PM20D1: variants seen among roughly 807,000 people sequenced by gnomAD.
The protein encoded by PM20D1 is peptidase M20 domain containing 1.
A neutral mutation model predicts 53.8 loss-of-function variants in PM20D1; 53 were observed. The ratio of observed to expected loss-of-function variants is 0.98; its 90% CI spans 0.79 to 1.24. The LOEUF (loss-of-function observed/expected upper bound fraction) is 1.24, where lower values mean the gene tolerates loss of function less well. Among genes scored for constraint, PM20D1 ranks in the 50% most tolerant of loss-of-function variants. The pLI, the probability that PM20D1 is intolerant of heterozygous loss-of-function variation, is 0.00. For missense variants in PM20D1, 564 were observed against 616.8 expected, an observed-to-expected ratio of 0.91 and a Z score of 0.91; for synonymous variants, 239 against 241.3, an observed-to-expected ratio of 0.99 and a Z score of 0.09.
chr1:205,848,713 C>T (rs771941753), intron 1 of PM20D1, among the ~76,000 whole-genome samples: 2 of 152,184 alleles, frequency 1.3e-5, no homozygotes, highest in Non-Finnish European at 2.9e-5. Context: ...AGACTGCTCT[C>T]CAAGAACACA....
rs368552918 is a variant in PM20D1, at chr1:205,843,628, C to A, written c.827+39G>T. ...AGTGGGAAAGTGCCAGGGCTTCCAT[C>A]TCAAGTCTGGCATGGGAACAGGGCC... On this transcript the variant is annotated intron_variant, in intron 6 of 12. Coordinates refer to ENST00000367136, the MANE Select transcript of PM20D1 (RefSeq NM_152491.5). 2.7e-5 allele frequency: 43 copies of A among 1,590,256 alleles called. No individual in the cohort carries two copies. The South Asian group carries it at 4.7e-4, about 17-fold the overall frequency.
At chr1:205,845,791 C>G (rs573090542) in intron 2 of PM20D1, among the ~76,000 whole-genome samples, 1 of 152,320 alleles carries the variant, frequency 6.6e-6, no homozygotes, top group Admixed American at 6.5e-5. Context: ...AAATCAAGAG[C>G]CACCATTAAG....
intron 3 of PM20D1, among the ~76,000 whole-genome samples, chr1:205,845,103 T>C (rs970786276): frequency 6.6e-6 from 1 of 152,050 alleles, no homozygotes. Context: ...CATAAACATA[T>C]CAGTGTCAGG....
chr1:205,837,558 TGTGCACAGGGA>T (rs1656709692), intron 10 of PM20D1, among the ~76,000 whole-genome samples: 2 of 152,330 alleles, frequency 1.3e-5, no homozygotes, highest in East Asian at 3.9e-4. Context: ...CCCGAGGCTC[TGTGCACAGGGA>T]GTGCAGCAGG....
chr1:205,832,430 G>C (rs368597541), intron 11 of PM20D1, among the ~76,000 whole-genome samples, 168 bp downstream of exon 11: 17 of 145,304 alleles, frequency 1.2e-4, no homozygotes, highest in African/African-American at 4.3e-4. Flanking sequence ...TCCTGTTTGC[G>C]TTCTCACTTC....
intron 10 of PM20D1, among the ~76,000 whole-genome samples, chr1:205,833,059 A>G (rs376402884): frequency 6.2e-4 from 94 of 152,334 alleles, no homozygotes; most frequent in South Asian, 1.7e-3. Flanking sequence ...TACATGAGCA[A>G]TCAAACCAAC....
At chr1:205,835,580 A>G (rs958021356) in intron 10 of PM20D1, among the ~76,000 whole-genome samples, 5 of 123,860 alleles carry the variant, frequency 4.0e-5, no homozygotes, top group Non-Finnish European at 6.3e-5. Flanking sequence ...TGAACCCGGG[A>G]GGCGGAGCTT....
chr1:205,845,230 T>A (rs1489919319), intron 3 of PM20D1, 95 bp downstream of exon 3: 1 of 1,272,482 alleles, frequency 7.9e-7, no homozygotes, highest in Non-Finnish European at 1.1e-6. Flanking sequence ...CAAGATTCTT[T>A]TTACCATTAT....
intron 11 of PM20D1, among the ~76,000 whole-genome samples, chr1:205,831,127 G>T (rs968797214): frequency 4.6e-5 from 7 of 152,204 alleles, no homozygotes; most frequent in African/African-American, 1.4e-4. Context: ...CTCTCCTGAA[G>T]GTGGTAGCAG....
chr1:205,838,994 C>A (rs1414497187), intron 10 of PM20D1, among the ~76,000 whole-genome samples: 3 of 152,222 alleles, frequency 2.0e-5, no homozygotes, highest in African/African-American at 7.2e-5. Flanking sequence ...CTGTCTCCTT[C>A]TCTTCCAGCA....
Position 205,847,953 on chromosome 1 carries a change from G to T in PM20D1, c.188C>A (p.Thr63Lys), listed in dbSNP as rs1209524107. 1 of 1,598,652 alleles carries T rather than the reference G, an allele frequency of 6.3e-7. No homozygotes were observed. The highest frequency in any genetic ancestry group is 1.3e-5 in the African/African-American group (1 of 74,194). Residue 63 changes from threonine (T) to lysine (K), a missense_variant, in exon 2 of 13, where the codon ACA becomes AAA. By Grantham distance (78) the Thr-to-Lys change is moderately conservative. Coordinates refer to ENST00000367136, the MANE Select transcript of PM20D1 (RefSeq NM_152491.5). ...EALKGAIQIP[T>K]VTFSSEKSNT... ...GGACTTCTCAGAGCTAAAAGTCACT[G>T]TTGGAATCTGGATGGCACCTGTCAG...
At chr1:205,839,826 G>A (rs995501293) in intron 10 of PM20D1, among the ~76,000 whole-genome samples, 8 of 145,072 alleles carry the variant, frequency 5.5e-5, no homozygotes, top group South Asian at 4.3e-4. Context: ...CAGGAGAATC[G>A]CTTGAACCCG....
intron 8 of PM20D1, 52 bp from the exon 9 acceptor site, chr1:205,841,941 G>T: frequency 6.7e-7 from 1 of 1,486,070 alleles, no homozygotes; most frequent in South Asian, 1.2e-5. Context: ...TGGGGTGAAG[G>T]AAAGGGCGGA....
intron 7 of PM20D1, 93 bp from the exon 8 acceptor site, chr1:205,842,308 G>A: frequency 8.5e-7 from 1 of 1,178,108 alleles, no homozygotes. Flanking sequence ...AGCTGCCTCA[G>A]GGGCCCTTAG....
intron 10 of PM20D1, among the ~76,000 whole-genome samples, chr1:205,833,103 G>GACT (rs1429757007): frequency 6.6e-6 from 1 of 152,232 alleles, no homozygotes; most frequent in Non-Finnish European, 1.5e-5. Flanking sequence ...CTGGAAAATT[G>GACT]ACTACTGGGT....
intron 1 of PM20D1, among the ~76,000 whole-genome samples, chr1:205,848,897 T>G (rs186176922): frequency 3.0e-4 from 45 of 152,368 alleles, no homozygotes; most frequent in Non-Finnish European, 5.6e-4. Context: ...TCAGGTGTTC[T>G]GTCCCCTGCT....
rs1247053407 is a variant in PM20D1, at chr1:205,849,963, G to C, written c.110C>G (p.Ser37Trp). ...TTTGCTGAACTGAGAAGGGATTCGC[G>C]ACGCCCTTTGATGCTCCCCGCTCCT... ...GPRSGEHQRA[S>W]RIPSQFSKEE... The change falls in exon 1 of 13, where the codon TCG becomes TGG. Residue 37 changes from serine (S) to tryptophan (W), a missense_variant. Physicochemically the swap from Ser to Trp is radical, Grantham distance 177. Transcript: ENST00000367136. 6.2e-7 allele frequency: 1 copy of C among 1,614,102 alleles called. No individual in the cohort carries two copies. The highest frequency in any genetic ancestry group is 8.5e-7 in the Non-Finnish European group (1 of 1,179,998).
At chr1:205,843,011 A>G (rs939104620) in intron 6 of PM20D1, among the ~76,000 whole-genome samples, 1 of 152,132 alleles carries the variant, frequency 6.6e-6, no homozygotes, top group Non-Finnish European at 1.5e-5. Context: ...GTCCACTCTC[A>G]TAGCCCATCC....
chr1:205,832,556 C>T (rs987418001), intron 11 of PM20D1, 42 bp downstream of exon 11: 26 of 1,605,424 alleles, frequency 1.6e-5, no homozygotes, highest in Admixed American at 3.4e-5. Context: ...GAAACAGTTC[C>T]AGCCCCCTCC....
Sources: allele counts gnomAD v4.1 joint callset (sites outside exome capture counted in the v4.1 genomes callset), GRCh38; gene constraint gnomAD v4.1.1; transcripts MANE v1.5; gene names NCBI Gene and HGNC (gene_info 2026-07-23, HGNC 2026-07-21).